Variants in KCNMA1 observed in about 807,000 individuals in gnomAD.
The protein encoded by KCNMA1 is Calcium-activated potassium channel subunit alpha-1.
A neutral mutation model predicts 140.0 loss-of-function variants in KCNMA1; 29 were observed. That is an observed-to-expected ratio of 0.21 (90% CI 0.15 to 0.28). KCNMA1 has a LOEUF of 0.28. KCNMA1 is among the 10% of genes least tolerant of loss of function. The probability of loss-of-function intolerance (pLI) is 1.00; values close to 1 mark genes in which losing one functional copy is unlikely to be tolerated. For synonymous variants in KCNMA1, 612 were observed against 611.9 expected, an observed-to-expected ratio of 1.00 and a Z score of 0.00; for missense variants, 880 against 1,602.2, an observed-to-expected ratio of 0.55 and a Z score of 7.70.
chr10:77,004,825 C>G (rs1229353979), intron 18 of KCNMA1, among the ~76,000 whole-genome samples: 1 of 152,134 alleles, frequency 6.6e-6, no homozygotes, highest in Non-Finnish European at 1.5e-5. Flanking sequence ...GTTTCCATTT[C>G]TCAGTGACTG....
intron 5 of KCNMA1, among the ~76,000 whole-genome samples, chr10:77,170,135 G>A (rs2014471): frequency 0.38 from 57,057 of 151,936 alleles, 11,323 homozygotes; most frequent in Non-Finnish European, 0.41. Flanking sequence ...AGGTTGCAGT[G>A]AGCCAAGATT....
intron 1 of KCNMA1, among the ~76,000 whole-genome samples, chr10:77,577,079 T>C (rs2074379377): frequency 6.6e-6 from 1 of 150,880 alleles, no homozygotes; most frequent in Admixed American, 6.6e-5. Flanking sequence ...TGACCCCATG[T>C]TGACGAGCCT....
Position 76,886,196 on chromosome 10 carries a change from C to T in KCNMA1, c.*1070G>A, listed in dbSNP as rs201213300. The stretch of plus-strand genomic sequence containing the variant: ...TGTCTTCCTCTCACTCTACCATTGC[C>T]CCAGCCCTTCCTCCTACCTGGCATT... On this transcript the variant is annotated 3_prime_UTR_variant, in exon 28 of 28. Coordinates refer to ENST00000286628, the MANE Select transcript of KCNMA1 (RefSeq NM_001161352.2). 10 of 985,356 alleles carry T rather than the reference C, an allele frequency of 1.0e-5. No homozygotes were observed. The highest frequency in any genetic ancestry group is 1.2e-5 in the Non-Finnish European group (10 of 829,934). 61.0% of individuals were successfully genotyped at this position (985,356 alleles called of 1,614,324 possible).
intron 2 of KCNMA1, among the ~76,000 whole-genome samples, chr10:77,393,284 C>A (rs1279587608): frequency 2.0e-5 from 3 of 151,870 alleles, no homozygotes; most frequent in Non-Finnish European, 4.4e-5. Flanking sequence ...GGCTGTTCTT[C>A]TACCCCTGCC....
Position 77,108,089 on chromosome 10 carries a change from T to A in KCNMA1, c.1223+392A>T. On this transcript the variant is annotated intron_variant, in intron 9 of 27. Transcript: ENST00000286628. The surrounding 1 kb of genome is among the most constrained non-coding windows in gnomAD (Gnocchi z 4.6). ...TTTCAGGATAAATTCATTACATCTC[T>A]TGGAATTTGTGAATGGGAGTTGGTC... 6.6e-6 allele frequency among the ~76,000 whole-genome samples: 1 copy of A among 152,144 alleles called. No individual in the cohort carries two copies. The highest frequency in any genetic ancestry group is 1.9e-4 in the East Asian group (1 of 5,182).
intron 29 of KCNMA1, among the ~76,000 whole-genome samples, chr10:76,879,273 GC>G (rs1459981663): frequency 6.6e-6 from 1 of 152,050 alleles, no homozygotes; most frequent in Non-Finnish European, 1.5e-5. Flanking sequence ...TCAAAGCCTC[GC>G]CCCAGTTTAA....
chr10:77,156,657 C>A (rs2154069375), intron 5 of KCNMA1, among the ~76,000 whole-genome samples: 1 of 152,342 alleles, frequency 6.6e-6, no homozygotes, highest in East Asian at 1.9e-4. Context: ...TAAATGATAA[C>A]CAGCCATTGT....
At chr10:77,182,025 T>C (rs887340189) in intron 5 of KCNMA1, among the ~76,000 whole-genome samples, 2 of 152,166 alleles carry the variant, frequency 1.3e-5, no homozygotes, top group African/African-American at 2.4e-5. Flanking sequence ...ACACTAGGTA[T>C]ATAATAAATT....
At chr10:77,194,806 G>A (rs962626318) in intron 3 of KCNMA1, among the ~76,000 whole-genome samples, 1 of 152,060 alleles carries the variant, frequency 6.6e-6, no homozygotes, top group African/African-American at 2.4e-5. Context: ...AAGACTTGCT[G>A]ATCCTGAATG....
Position 77,306,479 on chromosome 10 carries a change from C to G in KCNMA1, c.541-55223G>C, listed in dbSNP as rs913652438. ...CACATGGGTAGAGCCCAGCTGTTTG[C>G]TGCTGTTGCAGTTGAGCCACATGAG... On this transcript the variant is annotated intron_variant, in intron 2 of 27. Transcript: ENST00000286628. Among the ~76,000 whole-genome samples the G allele has an allele frequency of 2.0e-5, 3 of 152,180 alleles. No homozygotes were observed. In the South Asian group the frequency reaches 6.2e-4, roughly 32 times the overall value.
chr10:77,634,143 AC>A (rs2093492182), intron 1 of KCNMA1: 2 of 985,308 alleles, frequency 2.0e-6, no homozygotes, highest in African/African-American at 1.7e-5. Context: ...TATTCAGGCT[AC>A]CAGAGCAGCT....
chr10:77,188,043 A>T (rs956202133), intron 3 of KCNMA1, among the ~76,000 whole-genome samples: 1 of 152,228 alleles, frequency 6.6e-6, no homozygotes, highest in Non-Finnish European at 1.5e-5. Flanking sequence ...CATCTTAATG[A>T]TTAATGCACA....
intron 14 of KCNMA1, among the ~76,000 whole-genome samples, chr10:77,067,625 C>T (rs1193372390): frequency 1.3e-5 from 2 of 152,300 alleles, no homozygotes; most frequent in East Asian, 1.9e-4. Flanking sequence ...GGTTTAGACT[C>T]CAATTAGTTT....
At chr10:77,355,420 G>A (rs1007616343) in intron 2 of KCNMA1, among the ~76,000 whole-genome samples, 7 of 152,160 alleles carry the variant, frequency 4.6e-5, no homozygotes, top group African/African-American at 1.7e-4. Context: ...GCAGTGATGG[G>A]TTCAGGGATG....
rs978688463 is a variant in KCNMA1, at chr10:77,126,125, C to A, written c.809-5077G>T. Among the ~76,000 whole-genome samples the A allele has an allele frequency of 9.2e-5, 14 of 152,196 alleles. 2 individuals are homozygous for A. The highest frequency in any genetic ancestry group is 2.6e-4 in the Admixed American group (4 of 15,276). On this transcript the variant is annotated intron_variant, in intron 5 of 27. Coordinates refer to ENST00000286628, the MANE Select transcript of KCNMA1 (RefSeq NM_001161352.2). The stretch of plus-strand genomic sequence containing the variant: ...ATTCATCTTCTCTATTTTATAATAT[C>A]TTTTATTATTTTTATTCTATAAAAT...
chr10:77,625,724 C>G (rs2092410081), intron 1 of KCNMA1, among the ~76,000 whole-genome samples: 1 of 152,204 alleles, frequency 6.6e-6, no homozygotes, highest in Non-Finnish European at 1.5e-5. Flanking sequence ...TATGTACCTA[C>G]CACAATTCGC....
chr10:77,382,980 G>GTATA (rs2095464422), intron 2 of KCNMA1, among the ~76,000 whole-genome samples: 1 of 73,002 alleles, frequency 1.4e-5, no homozygotes, highest in African/African-American at 8.5e-5. Flanking sequence ...GTGTGTGTGT[G>GTATA]TGTGTGTGTG....
chr10:76,964,207 G>T (rs2072937558), intron 20 of KCNMA1, among the ~76,000 whole-genome samples: 2 of 151,400 alleles, frequency 1.3e-5, no homozygotes, highest in Admixed American at 6.6e-5. Flanking sequence ...AAACTCTCAG[G>T]CCAGGCTGTA....
chr10:77,175,498 G>A (rs959958270), intron 5 of KCNMA1, among the ~76,000 whole-genome samples: 27 of 152,158 alleles, frequency 1.8e-4, no homozygotes, highest in African/African-American at 5.8e-4. Flanking sequence ...CAGGTACTAG[G>A]GACATAGCGA....
Sources: gnomAD v4.1 joint callset for allele counts (sites outside exome capture counted in the v4.1 genomes callset) on GRCh38, gnomAD v4.1.1 for gene constraint, Gnocchi (gnomAD v3.1) non-coding constraint, MANE v1.5 for transcripts, NCBI Gene and HGNC (gene_info 2026-07-23, HGNC 2026-07-21) for gene names.